Variants in FOXP4 observed in about 807,000 individuals in gnomAD.
FOXP4 encodes forkhead box P4.
Under a neutral mutation model 82.6 loss-of-function variants are expected in FOXP4, and 25 were observed. The observed-to-expected ratio is 0.30, with a 90% CI of 0.22 to 0.42. The LOEUF (loss-of-function observed/expected upper bound fraction) is 0.42, where lower values mean the gene tolerates loss of function less well. Ranked by LOEUF, FOXP4 falls within the 10% of genes least tolerant of loss-of-function variation. FOXP4 has a pLI of 1.00. For synonymous variants in FOXP4, 415 were observed against 388.2 expected, an observed-to-expected ratio of 1.07 and a Z score of -0.81; for missense variants, 785 against 900.9, an observed-to-expected ratio of 0.87 and a Z score of 1.65.
At chr6:41,561,650 A>C (rs1764586381) in intron 1 of FOXP4, among the ~76,000 whole-genome samples, 1 of 105,222 alleles carries the variant, frequency 9.5e-6, no homozygotes, top group Non-Finnish European at 2.1e-5. Context: ...CCTCATTACC[A>C]GAGGAAGCAG....
At chr6:41,566,755 G>C (rs1384379844) in intron 2 of FOXP4, among the ~76,000 whole-genome samples, 1 of 152,138 alleles carries the variant, frequency 6.6e-6, no homozygotes, top group Non-Finnish European at 1.5e-5. Flanking sequence ...CTCTTTCTCT[G>C]ATTTGACTCT....
chr6:41,584,568 CGT>C (rs1449107674), intron 3 of FOXP4, among the ~76,000 whole-genome samples, 199 bp from the exon 4 acceptor site: 1 of 152,184 alleles, frequency 6.6e-6, no homozygotes, highest in African/African-American at 2.4e-5. Flanking sequence ...TCACTGTTTT[CGT>C]TTTAGAGATA....
Position 41,590,065 on chromosome 6 carries a change from CCT to C in FOXP4, c.1253_1254del (p.Pro418ArgfsTer26). The C allele has an allele frequency of 1.2e-6, 2 of 1,613,936 alleles. No individual in the cohort carries two copies. The highest frequency in any genetic ancestry group is 1.7e-6 in the Non-Finnish European group (2 of 1,179,974). On this transcript the variant is annotated frameshift_variant, in exon 11 of 17. Transcript: ENST00000307972. LOFTEE classifies it high-confidence loss of function. The stretch of plus-strand genomic sequence containing the variant: ...GCACCCCCCGACCTCGGCCGCAGCC[CCT>C]GTCACCCCTCTACGGCCCCCTGGCC... ...LVHPPTSAAA[P>X]VTPLRPPGLG...
chr6:41,575,912 T>C (rs1765455332), intron 2 of FOXP4, among the ~76,000 whole-genome samples: 1 of 151,920 alleles, frequency 6.6e-6, no homozygotes, highest in East Asian at 1.9e-4. Context: ...CTGTACCCCC[T>C]CAACCCTACT....
At position 41,591,399 on chromosome 6, in the gene FOXP4, T is replaced by A; in HGVS notation, c.1536+77T>A. On this transcript the variant is annotated intron_variant, in intron 13 of 16. Coordinates refer to ENST00000307972, the MANE Select transcript of FOXP4 (RefSeq NM_001012426.2). The surrounding 1 kb of genome is among the most constrained non-coding windows in gnomAD (Gnocchi z 4.2). Reference sequence around the variant, plus strand: ...ATATCCCATGGAGACCAAGGCTGCCTAACAATTAGTTCCCTAAACCATTAG... The same window carrying A: ...ATATCCCATGGAGACCAAGGCTGCCAAACAATTAGTTCCCTAAACCATTAG... The A allele has an allele frequency of 8.1e-7, 1 of 1,241,350 alleles. No individual in the cohort carries two copies. Among genetic ancestry groups the A allele is most frequent in the Non-Finnish European group, 1.1e-6 (1 of 872,538 alleles). The allele number at this position is 1,241,350 out of a possible 1,614,324, so 76.9% of individuals were successfully genotyped here.
intron 1 of FOXP4, among the ~76,000 whole-genome samples, chr6:41,559,075 C>T (rs1222528485): frequency 2.0e-5 from 3 of 152,180 alleles, no homozygotes; most frequent in Non-Finnish European, 4.4e-5. Flanking sequence ...TCATTGTATA[C>T]TTTGCCTGGC....
intron 3 of FOXP4, among the ~76,000 whole-genome samples, chr6:41,582,016 G>A (rs113611928): frequency 6.6e-6 from 1 of 152,364 alleles, no homozygotes; most frequent in African/African-American, 2.4e-5. Context: ...ACAGCAGTGA[G>A]AATGAGTGGC....
rs373891211 is a variant in FOXP4, at chr6:41,565,913, C to G, written c.153C>G (p.Asp51Glu). 3.7e-6 allele frequency: 6 copies of G among 1,614,058 alleles called. No homozygotes were observed. The highest frequency in any genetic ancestry group is 4.2e-6 in the Non-Finnish European group (5 of 1,180,042). The part of the protein sequence containing the change: ...GTGREVTTGA[D>E]SNGEMSPAEL... ...GCAGGGAAGTGACCACGGGTGCAGA[C>G]AGCAATGGTGAGATGAGTCCCGCAG... The change falls in exon 2 of 17, where the codon GAC (aspartate) becomes GAG (glutamate). Residue 51 changes from aspartate to glutamate, a missense_variant. Asp to Glu is a conservative substitution (Grantham distance 45). Around this residue, in one of 3 missense-constraint regions of FOXP4, gnomAD observed 570 missense variants for 634.0 expected, o/e 0.90. Coordinates refer to ENST00000307972, the MANE Select transcript of FOXP4 (RefSeq NM_001012426.2).
At chr6:41,585,398 C>T in intron 4 of FOXP4, 33 bp from the exon 5 acceptor site, 1 of 1,608,638 alleles carries the variant, frequency 6.2e-7, no homozygotes, top group Non-Finnish European at 8.5e-7. Context: ...ATAGCAGTAC[C>T]CTGCCAGTGG....
At chr6:41,555,639 G>GC (rs765730854) in intron 1 of FOXP4, among the ~76,000 whole-genome samples, 6 of 152,162 alleles carry the variant, frequency 3.9e-5, no homozygotes, top group Non-Finnish European at 5.9e-5. Flanking sequence ...TAACCAGCAG[G>GC]CCCCCCACAT....
intron 2 of FOXP4, among the ~76,000 whole-genome samples, chr6:41,577,382 C>T (rs1765547630): frequency 6.6e-6 from 1 of 152,216 alleles, no homozygotes; most frequent in Admixed American, 6.5e-5. Context: ...ACTGTGTGCT[C>T]TGGCTCCACA....
At chr6:41,583,448 G>A (rs983948839) in intron 3 of FOXP4, among the ~76,000 whole-genome samples, 1 of 152,194 alleles carries the variant, frequency 6.6e-6, no homozygotes, top group Non-Finnish European at 1.5e-5. Context: ...GCCTGTCACA[G>A]CCTAGGACAA....
chr6:41,587,284 CTG>C lies in FOXP4; in HGVS notation c.659-13_659-12del. 1.9e-6 allele frequency: 3 copies of C among 1,611,708 alleles called. No individual in the cohort carries two copies. Among genetic ancestry groups the C allele is most frequent in the Non-Finnish European group, 1.7e-6 (2 of 1,179,830 alleles). On this transcript the variant is annotated splice_polypyrimidine_tract_variant and intron_variant, in intron 6 of 16. Transcript: ENST00000307972. ...GTTCGTGGGGCCCTGCCAGCCTCCC[CTG>C]TCTCTCCCACAGCAGCTGTTTGCCC...
At chr6:41,583,021 A>C (rs1425171871) in intron 3 of FOXP4, among the ~76,000 whole-genome samples, 1 of 152,130 alleles carries the variant, frequency 6.6e-6, no homozygotes, top group Non-Finnish European at 1.5e-5. Context: ...TGAGGTTAAA[A>C]AACAACAACA....
intron 1 of FOXP4, among the ~76,000 whole-genome samples, chr6:41,551,612 C>T (rs1023187006): frequency 2.0e-5 from 3 of 152,100 alleles, no homozygotes; most frequent in African/African-American, 7.2e-5. Context: ...GGTCTGTGAC[C>T]CAGGCTACCA....
intron 16 of FOXP4, 31 bp downstream of exon 16, chr6:41,597,981 C>T: frequency 6.9e-7 from 1 of 1,440,346 alleles, no homozygotes; most frequent in Non-Finnish European, 9.1e-7. Context: ...CCCACCCACC[C>T]CAGCACCCCT....
At chr6:41,592,562 A>C (rs1388561398) in intron 13 of FOXP4, among the ~76,000 whole-genome samples, 2 of 152,212 alleles carry the variant, frequency 1.3e-5, no homozygotes, top group African/African-American at 4.8e-5. Flanking sequence ...AGAGTCCTAC[A>C]AACATAAGGG....
At chr6:41,559,522 AAG>A (rs1260451023) in intron 1 of FOXP4, among the ~76,000 whole-genome samples, 2 of 152,176 alleles carry the variant, frequency 1.3e-5, no homozygotes, top group Non-Finnish European at 2.9e-5. Context: ...CTAGAAAAAA[AAG>A]AGAAGGGGCT....
At chr6:41,554,280 TTTG>T (rs1764159746) in intron 1 of FOXP4, among the ~76,000 whole-genome samples, 1 of 152,176 alleles carries the variant, frequency 6.6e-6, no homozygotes, top group African/African-American at 2.4e-5. Context: ...CCTGCTGAGT[TTTG>T]TTGACCCACA....
Sources: allele counts gnomAD v4.1 joint callset (sites outside exome capture counted in the v4.1 genomes callset), GRCh38; gene constraint gnomAD v4.1.1; regional missense constraint gnomAD v4.1.1; non-coding constraint Gnocchi (gnomAD v3.1); transcripts MANE v1.5; gene names NCBI Gene and HGNC (gene_info 2026-07-23, HGNC 2026-07-21).